STYXL1: variants seen among roughly 807,000 people sequenced by gnomAD.
STYXL1 encodes the protein serine/threonine/tyrosine interacting like 1.
In STYXL1, 32 loss-of-function variants were observed where a neutral mutation model predicts 36.4. That is an observed-to-expected ratio of 0.88 (90% CI 0.66 to 1.18). STYXL1 has a LOEUF of 1.18. Among genes scored for constraint, STYXL1 ranks in the 50% most tolerant of loss-of-function variants. The probability of loss-of-function intolerance (pLI) is 0.00; values close to 1 mark genes in which losing one functional copy is unlikely to be tolerated. For missense variants in STYXL1, 354 were observed against 394.1 expected, an observed-to-expected ratio of 0.90 and a Z score of 0.86; for synonymous variants, 133 against 144.1, an observed-to-expected ratio of 0.92 and a Z score of 0.55.
intron 5 of STYXL1, among the ~76,000 whole-genome samples, chr7:76,005,653 T>C (rs1456215150): frequency 6.6e-6 from 1 of 152,056 alleles, no homozygotes. Context: ...GTCCATTCCC[T>C]CCGTGGCAAC....
At chr7:76,008,297 T>C (rs1456413615) in intron 5 of STYXL1, among the ~76,000 whole-genome samples, 1 of 151,306 alleles carries the variant, frequency 6.6e-6, no homozygotes, top group Non-Finnish European at 1.5e-5. Flanking sequence ...CATGAGGCTC[T>C]GATTAGAGAC....
chr7:76,028,817 T>C lies in STYXL1; in HGVS notation c.104-114A>G, dbSNP rs79599039. On this transcript the variant is annotated intron_variant, in intron 2 of 8. Transcript: ENST00000359697. ...TTGTTTGGCAGTTAAGGGATAGTCA[T>C]TGTCAGTTTAAAACTTGAGATGTGG... 1.4e-3 allele frequency: 1,318 copies of C among 966,716 alleles called. 5 individuals are homozygous for C. Among genetic ancestry groups the C allele is most frequent in the Non-Finnish European group, 2.0e-3 (1,243 of 615,216 alleles). 59.9% of individuals were successfully genotyped at this position (966,716 alleles called of 1,614,324 possible).
intron 1 of STYXL1, among the ~76,000 whole-genome samples, chr7:76,032,800 T>C (rs929910392): frequency 2.3e-4 from 35 of 152,106 alleles, no homozygotes; most frequent in African/African-American, 8.4e-4. Context: ...AAGGGTTGTC[T>C]GAGGATGTGA....
intron 5 of STYXL1, among the ~76,000 whole-genome samples, chr7:76,010,057 A>C (rs1792364110): frequency 6.6e-6 from 1 of 152,186 alleles, no homozygotes; most frequent in Non-Finnish European, 1.5e-5. Context: ...CTAAAGCTTC[A>C]GAAATGAGGA....
intron 1 of STYXL1, among the ~76,000 whole-genome samples, chr7:76,046,141 C>T (rs1554583395): frequency 6.6e-6 from 1 of 152,074 alleles, no homozygotes. Flanking sequence ...AAACATTTCC[C>T]ATTGTTAAAT....
chr7:76,008,980 C>T (rs1354340609), intron 5 of STYXL1, among the ~76,000 whole-genome samples: 1 of 151,554 alleles, frequency 6.6e-6, no homozygotes, highest in Non-Finnish European at 1.5e-5. Flanking sequence ...CCAGCCTGGG[C>T]AACAGAGATG....
chr7:76,040,767 C>T (rs1471741069), intron 1 of STYXL1, among the ~76,000 whole-genome samples: 3 of 147,542 alleles, frequency 2.0e-5, no homozygotes, highest in East Asian at 2.0e-4. Context: ...ACCTGGGAGA[C>T]GGAGGTTGCA....
Position 76,013,408 on chromosome 7 carries a change from G to GT in STYXL1, c.453+333dup, listed in dbSNP as rs781872577. Among the ~76,000 whole-genome samples the GT allele has an allele frequency of 7.5e-3, 1,108 of 147,006 alleles. 10 individuals are homozygous for GT. The highest frequency in any genetic ancestry group is 0.02 in the African/African-American group (824 of 40,294). On this transcript the variant is annotated intron_variant, in intron 5 of 8. Transcript: ENST00000359697. ...TAGGGCTGCCAGGAGTCCAGATCTA[G>GT]TTTTTTTTTTGTTTGTTTTTGTTTT... is the stretch of plus-strand genomic sequence containing the variant.
intron 1 of STYXL1, among the ~76,000 whole-genome samples, chr7:76,033,606 A>AC (rs1795619074): frequency 6.6e-6 from 1 of 152,026 alleles, no homozygotes; most frequent in African/African-American, 2.4e-5. Context: ...AAATGCCAGC[A>AC]CCTCAACTTA....
At chr7:76,039,935 C>T (rs1322360755) in intron 1 of STYXL1, among the ~76,000 whole-genome samples, 4 of 152,310 alleles carry the variant, frequency 2.6e-5, no homozygotes, top group African/African-American at 4.8e-5. Flanking sequence ...GCATTAGCCA[C>T]GGCGCCTGGC....
chr7:76,034,612 A>AG (rs1188229059), intron 1 of STYXL1, among the ~76,000 whole-genome samples: 3 of 152,140 alleles, frequency 2.0e-5, no homozygotes, highest in Non-Finnish European at 4.4e-5. Flanking sequence ...ACTCTAGGGT[A>AG]GGGGGTTTCT....
rs139797753 is a variant in STYXL1 at position 76,014,562 on chromosome 7, A to C, written c.308-675T>G. Reference sequence around the variant, plus strand: ...GAGACAGTGTCTCACTTTTTTGCCCAGGCTTGTCTTGAACTCCTGAGCTCA... The same window carrying C: ...GAGACAGTGTCTCACTTTTTTGCCCCGGCTTGTCTTGAACTCCTGAGCTCA... On this transcript the variant is annotated intron_variant, in intron 4 of 8. Transcript: ENST00000359697. Among the ~76,000 whole-genome samples, 720 of 151,930 alleles carry C rather than the reference A, an allele frequency of 4.7e-3. 15 individuals are homozygous for C. The East Asian group carries it at 0.049, about 10-fold the overall frequency.
intron 4 of STYXL1, among the ~76,000 whole-genome samples, 161 bp downstream of exon 4, chr7:76,021,690 C>T (rs547633149): frequency 6.6e-6 from 1 of 152,160 alleles, no homozygotes. Context: ...TCTCCTTGCT[C>T]GGTATCCAGT....
intron 2 of STYXL1, 37 bp downstream of exon 2, chr7:76,030,384 T>C (rs374679819): frequency 1.3e-4 from 197 of 1,474,014 alleles, no homozygotes; most frequent in Non-Finnish European, 1.8e-4. Context: ...TGAAGGACAC[T>C]GTGTTTGACC....
At chr7:76,000,626 C>T (rs898339690) in intron 8 of STYXL1, 40 of 565,382 alleles carry the variant, frequency 7.1e-5, no homozygotes, top group Middle Eastern at 3.8e-4. Context: ...CACAGGTGGA[C>T]GGCCTGACAG....
chr7:76,043,440 C>A (rs76074383), intron 1 of STYXL1, among the ~76,000 whole-genome samples: 2,638 of 152,010 alleles, frequency 0.017, 79 homozygotes, highest in Non-Finnish European at 0.016. Flanking sequence ...CGCACCCAGC[C>A]GAGAAGCCAT....
chr7:76,016,107 C>T (rs186544388), intron 4 of STYXL1, among the ~76,000 whole-genome samples: 16 of 152,008 alleles, frequency 1.1e-4, no homozygotes, highest in East Asian at 3.9e-4. Flanking sequence ...TACATATACA[C>T]GCATATATAT....
At chr7:76,001,108 C>G (rs1467365506) in intron 7 of STYXL1, 106 bp from the exon 8 acceptor site, 1 of 823,206 alleles carries the variant, frequency 1.2e-6, no homozygotes, top group Admixed American at 1.9e-5. Context: ...AGCATGAGTT[C>G]AAAACCAGCC....
chr7:76,007,593 C>G (rs1791949800), intron 5 of STYXL1, among the ~76,000 whole-genome samples: 1 of 152,040 alleles, frequency 6.6e-6, no homozygotes, highest in Non-Finnish European at 1.5e-5. Context: ...TATGATTCCT[C>G]TCTCGGAAAC....
Sources: allele counts gnomAD v4.1 joint callset (sites outside exome capture counted in the v4.1 genomes callset), GRCh38; gene constraint gnomAD v4.1.1; transcripts MANE v1.5; gene names NCBI Gene and HGNC (gene_info 2026-07-23, HGNC 2026-07-21).